INTU: variants seen among roughly 807,000 people sequenced by gnomAD.
The protein encoded by INTU is protein inturned.
INTU carries 68 observed loss-of-function variants against 100.5 expected under a neutral mutation model. The ratio of observed to expected loss-of-function variants is 0.68; its 90% CI spans 0.56 to 0.83. INTU has a LOEUF of 0.83. INTU is among the 40% of genes least tolerant of loss of function. The pLI is 0.00. For missense variants in INTU, 1,071 were observed against 1,114.7 expected, an observed-to-expected ratio of 0.96 and a Z score of 0.56; for synonymous variants, 357 against 395.7, an observed-to-expected ratio of 0.90 and a Z score of 1.16.
intron 7 of INTU, among the ~76,000 whole-genome samples, chr4:127,684,876 T>C (rs1470423444): frequency 2.0e-5 from 3 of 152,102 alleles, no homozygotes; most frequent in Non-Finnish European, 4.4e-5. Context: ...GTGTTCTGAT[T>C]TGATATATTT....
Position 127,719,146 on chromosome 4 carries a change from A to G in INTU, c.*2710A>G, listed in dbSNP as rs1731310175. The G allele has an allele frequency of 6.6e-6, 1 of 152,024 alleles. No homozygotes were observed. Among genetic ancestry groups the G allele is most frequent in the Non-Finnish European group, 1.5e-5 (1 of 67,976 alleles). 9.4% of individuals were successfully genotyped at this position (152,024 alleles called of 1,614,324 possible). A position where few individuals can be genotyped will look rare whatever the true frequency, so the allele number is the denominator to read the frequency against. On this transcript the variant is annotated 3_prime_UTR_variant, in exon 16 of 16. Transcript: ENST00000335251. ...TCATAAATGGCTCTTATTATTTTGA[A>G]GTATGTTCCTTCAATACCTAGTTTA... is the stretch of plus-strand genomic sequence containing the variant.
Position 127,714,826 on chromosome 4 carries a change from A to C in INTU, c.2717+733A>C, listed in dbSNP as rs991285090. 8.3e-4 allele frequency among the ~76,000 whole-genome samples: 127 copies of C among 152,128 alleles called. 1 individual carries two copies. Among genetic ancestry groups the C allele is most frequent in the African/African-American group, 3.0e-3 (123 of 41,522 alleles). ...CACCTGCAACAGTACCTGGCACATAATATAGTCACTTGATAAACATGTGAT... is the reference window on the plus strand; with the variant it reads ...CACCTGCAACAGTACCTGGCACATACTATAGTCACTTGATAAACATGTGAT... On this transcript the variant is annotated intron_variant, in intron 15 of 15. Coordinates refer to ENST00000335251, the MANE Select transcript of INTU (RefSeq NM_015693.4).
chr4:127,655,826 C>T (rs1048999742), intron 2 of INTU, among the ~76,000 whole-genome samples: 37 of 152,244 alleles, frequency 2.4e-4, no homozygotes, highest in Non-Finnish European at 3.5e-4. Context: ...CCCAGCCTCG[C>T]TGCCGCCTTG....
chr4:127,650,041 GA>G (rs1195856875), intron 2 of INTU, among the ~76,000 whole-genome samples: 1 of 152,022 alleles, frequency 6.6e-6, no homozygotes, highest in East Asian at 1.9e-4. Context: ...AAAGTACACG[GA>G]AAAGGAAATT....
intron 2 of INTU, among the ~76,000 whole-genome samples, chr4:127,644,811 ATCT>A (rs1727499647): frequency 6.6e-6 from 1 of 152,252 alleles, no homozygotes; most frequent in African/African-American, 2.4e-5. Context: ...TTTTAAGTTT[ATCT>A]AGCATAAGAG....
chr4:127,646,971 A>C, intron 2 of INTU, among the ~76,000 whole-genome samples: 1 of 152,222 alleles, frequency 6.6e-6, no homozygotes, highest in Non-Finnish European at 1.5e-5. Flanking sequence ...TAAAAGGATC[A>C]ATTTCAATTC....
chr4:127,654,591 C>T (rs1304535391), intron 2 of INTU, among the ~76,000 whole-genome samples: 9 of 152,118 alleles, frequency 5.9e-5, no homozygotes, highest in Non-Finnish European at 7.4e-5. Context: ...CCGAGAGACC[C>T]GCTGTTAGTC....
At chr4:127,635,342 G>A (rs1474607289) in intron 1 of INTU, among the ~76,000 whole-genome samples, 1 of 152,036 alleles carries the variant, frequency 6.6e-6, no homozygotes, top group Non-Finnish European at 1.5e-5. Context: ...GGGTTGGTTG[G>A]GTTGAGGGAG....
Position 127,716,487 on chromosome 4 carries a change from C to A in INTU, c.*51C>A. The A allele has an allele frequency of 1.3e-6, 1 of 779,594 alleles. No homozygotes were observed. Among genetic ancestry groups the A allele is most frequent in the Non-Finnish European group, 2.0e-6 (1 of 494,202 alleles). 48.3% of individuals were successfully genotyped at this position (779,594 alleles called of 1,614,324 possible). On this transcript the variant is annotated 3_prime_UTR_variant, in exon 16 of 16. Coordinates refer to ENST00000335251, the MANE Select transcript of INTU (RefSeq NM_015693.4). ...ACGTGCATGGAGGATCAAACACTGT[C>A]AGAATTGCTGAAATCAATACACAAA...
intron 15 of INTU, among the ~76,000 whole-genome samples, chr4:127,714,391 C>G (rs142491581): frequency 0.012 from 1,803 of 151,988 alleles, 16 homozygotes; most frequent in South Asian, 0.037. Flanking sequence ...TTCTTTCCCT[C>G]TTACCATCCT....
chr4:127,694,207 T>G lies in INTU; in HGVS notation c.1450-5803T>G, dbSNP rs1230290396. ...TGTGAGTCTGTCTGGTCCTGGACTTTTTTTGTTGGCAGTTTTTCCATAACC... is the reference window on the plus strand; with the variant it reads ...TGTGAGTCTGTCTGGTCCTGGACTTGTTTTGTTGGCAGTTTTTCCATAACC... On this transcript the variant is annotated intron_variant, in intron 8 of 15. Coordinates refer to ENST00000335251, the MANE Select transcript of INTU (RefSeq NM_015693.4). 5.3e-5 allele frequency among the ~76,000 whole-genome samples: 8 copies of G among 152,232 alleles called. No individual in the cohort carries two copies. The East Asian group carries it at 1.4e-3, about 26-fold the overall frequency.
chr4:127,685,976 A>C (rs1430541863), intron 7 of INTU: 1 of 152,220 alleles, frequency 6.6e-6, no homozygotes, highest in Non-Finnish European at 1.5e-5. Flanking sequence ...ATAAATGTGA[A>C]GATCCATTGA....
intron 1 of INTU, among the ~76,000 whole-genome samples, chr4:127,633,587 G>A (rs1726939756): frequency 6.6e-6 from 1 of 151,994 alleles, no homozygotes; most frequent in African/African-American, 2.4e-5. Context: ...GACACCCTAC[G>A]CGTTTTATAA....
chr4:127,662,814 T>C (rs1343697307), intron 3 of INTU, among the ~76,000 whole-genome samples: 1 of 152,186 alleles, frequency 6.6e-6, no homozygotes, highest in East Asian at 1.9e-4. Flanking sequence ...CTTAGAGCCA[T>C]GTTGGTCTAA....
intron 8 of INTU, among the ~76,000 whole-genome samples, chr4:127,693,132 T>A (rs1395744113): frequency 6.6e-6 from 1 of 152,182 alleles, no homozygotes. Flanking sequence ...GGTGGTATTT[T>A]GATGGGAATT....
chr4:127,678,269 C>T (rs543596715), intron 6 of INTU, among the ~76,000 whole-genome samples: 68 of 152,044 alleles, frequency 4.5e-4, no homozygotes, highest in African/African-American at 1.5e-3. Flanking sequence ...AGATACTCCT[C>T]GAGAAGAGCA....
intron 4 of INTU, among the ~76,000 whole-genome samples, chr4:127,663,974 A>G (rs1728588455): frequency 6.6e-6 from 1 of 152,050 alleles, no homozygotes; most frequent in Non-Finnish European, 1.5e-5. Context: ...TGACAAATAT[A>G]TTACACTTTT....
chr4:127,716,368 T>G lies in INTU; in HGVS notation c.2761T>G (p.Phe921Val), dbSNP rs1731262406. Residue 921 changes from phenylalanine (F) to valine (V), a missense_variant, in exon 16 of 16, where the codon TTT becomes GTT. Coordinates refer to ENST00000335251, the MANE Select transcript of INTU (RefSeq NM_015693.4). ...HPKPQELYVC[F>V]HDSVTEIAIE... is the part of the protein sequence containing the mutation. ...AAAACCTCAAGAACTTTATGTCTGT[T>G]TTCATGACTCAGTCACAGAAATTGC... 6.3e-7 allele frequency: 1 copy of G among 1,591,296 alleles called. No homozygotes were observed. Among genetic ancestry groups the G allele is most frequent in the Admixed American group, 1.8e-5 (1 of 56,330 alleles).
chr4:127,671,937 T>C (rs571958922), intron 5 of INTU, among the ~76,000 whole-genome samples: 5 of 152,172 alleles, frequency 3.3e-5, no homozygotes, highest in Admixed American at 6.5e-5. Context: ...CACTTATAAA[T>C]GGGGGCTAAA....
Sources: allele counts gnomAD v4.1 joint callset (sites outside exome capture counted in the v4.1 genomes callset), GRCh38; gene constraint gnomAD v4.1.1; transcripts MANE v1.5; gene names NCBI Gene and HGNC (gene_info 2026-07-23, HGNC 2026-07-21).